The following COP1 variants were observed in gnomAD, a reference collection of about 807,000 sequenced individuals.
COP1 encodes the protein E3 ubiquitin-protein ligase COP1.
COP1 carries 24 observed loss-of-function variants against 101.3 expected under a neutral mutation model. The ratio of observed to expected loss-of-function variants is 0.24; its 90% CI spans 0.17 to 0.33. The LOEUF (loss-of-function observed/expected upper bound fraction) is 0.33. Ranked by LOEUF, COP1 falls within the 10% of genes least tolerant of loss-of-function variation. COP1 has a pLI of 1.00. For synonymous variants in COP1, 347 were observed against 341.9 expected (o/e 1.01, Z -0.17); for missense variants, 663 against 906.2 (o/e 0.73, Z 3.45).
chr1:176,090,877 T>C (rs1681152678), intron 9 of COP1, among the ~76,000 whole-genome samples: 1 of 152,074 alleles, frequency 6.6e-6, no homozygotes, highest in Non-Finnish European at 1.5e-5. Flanking sequence ...AAAACAGACA[T>C]GAATACACAG....
At chr1:175,947,621 C>T (rs1399672235) in intron 18 of COP1, among the ~76,000 whole-genome samples, 3 of 152,094 alleles carry the variant, frequency 2.0e-5, no homozygotes, top group Non-Finnish European at 4.4e-5. Flanking sequence ...CTGCCCACCT[C>T]GGCCTCCCAA....
At chr1:176,058,473 C>A (rs1674227386) in intron 11 of COP1, among the ~76,000 whole-genome samples, 1 of 152,124 alleles carries the variant, frequency 6.6e-6, no homozygotes, top group Non-Finnish European at 1.5e-5. Context: ...ACCCTGTGCT[C>A]TCTGAAACAT....
chr1:176,140,307 A>T (rs1558188784), intron 6 of COP1, among the ~76,000 whole-genome samples: 1 of 152,208 alleles, frequency 6.6e-6, no homozygotes, highest in Non-Finnish European at 1.5e-5. Flanking sequence ...AAATCAAATA[A>T]TGAAGGCATG....
At chr1:176,112,978 A>G (rs889239623) in intron 9 of COP1, among the ~76,000 whole-genome samples, 1 of 152,200 alleles carries the variant, frequency 6.6e-6, no homozygotes, top group Non-Finnish European at 1.5e-5. Flanking sequence ...ATGGACACTT[A>G]GGTTGATTCC....
At chr1:176,034,519 G>A (rs1016234277) in intron 14 of COP1, among the ~76,000 whole-genome samples, 2 of 152,128 alleles carry the variant, frequency 1.3e-5, no homozygotes, top group African/African-American at 4.8e-5. Flanking sequence ...CCTACTAACA[G>A]AATTCAGCAG....
intron 14 of COP1, among the ~76,000 whole-genome samples, chr1:176,028,325 G>A (rs1668036449): frequency 6.6e-6 from 1 of 152,010 alleles, no homozygotes; most frequent in South Asian, 2.1e-4. Context: ...AGCACTTTGG[G>A]AGGCTGAGGC....
chr1:176,012,819 T>C (rs1040755104), intron 15 of COP1, among the ~76,000 whole-genome samples: 2 of 152,216 alleles, frequency 1.3e-5, no homozygotes, highest in Non-Finnish European at 2.9e-5. Context: ...GGCTATACTA[T>C]ATAGCTTAGG....
chr1:175,976,356 C>A (rs1654597401), intron 18 of COP1, among the ~76,000 whole-genome samples: 1 of 135,136 alleles, frequency 7.4e-6, no homozygotes, highest in African/African-American at 2.7e-5. Flanking sequence ...CTGCTCACTG[C>A]AACCTACACC....
At chr1:175,997,782 C>A (rs1391147472) in intron 15 of COP1, among the ~76,000 whole-genome samples, 52 of 152,200 alleles carry the variant, frequency 3.4e-4, no homozygotes, top group Non-Finnish European at 2.4e-4. Context: ...GAAATAGGAA[C>A]ACTTTTACAC....
intron 9 of COP1, among the ~76,000 whole-genome samples, chr1:176,098,646 C>T (rs529239431): frequency 6.6e-6 from 1 of 152,282 alleles, no homozygotes; most frequent in East Asian, 1.9e-4. Context: ...TCTTAAGGAA[C>T]TAATCTGCTC....
chr1:176,190,674 T>C (rs1699026178), intron 1 of COP1, among the ~76,000 whole-genome samples: 1 of 152,000 alleles, frequency 6.6e-6, no homozygotes. Context: ...CAGTGCTCTA[T>C]TTGTCATTCC....
intron 6 of COP1, among the ~76,000 whole-genome samples, chr1:176,146,757 T>C (rs1194475740): frequency 6.6e-6 from 1 of 152,244 alleles, no homozygotes; most frequent in Non-Finnish European, 1.5e-5. Context: ...AAATTTTTCA[T>C]GTTTTAGGAC....
chr1:176,191,048 C>T (rs1699067024), intron 1 of COP1, among the ~76,000 whole-genome samples: 1 of 151,958 alleles, frequency 6.6e-6, no homozygotes, highest in Non-Finnish European at 1.5e-5. Flanking sequence ...ATACCAAATG[C>T]CAAACACTAG....
At chr1:175,956,783 A>G (rs994012380) in intron 18 of COP1, among the ~76,000 whole-genome samples, 2 of 152,156 alleles carry the variant, frequency 1.3e-5, no homozygotes, top group African/African-American at 4.8e-5. Context: ...TTATTAACAA[A>G]AAAAGTTACT....
At chr1:176,047,310 C>G (rs1317533779) in intron 11 of COP1, among the ~76,000 whole-genome samples, 1 of 152,122 alleles carries the variant, frequency 6.6e-6, no homozygotes, top group African/African-American at 2.4e-5. Context: ...CTCATTTAGT[C>G]CTCATAACAA....
chr1:175,957,799 GAATA>G (rs1160912917), intron 18 of COP1, among the ~76,000 whole-genome samples: 1 of 152,124 alleles, frequency 6.6e-6, no homozygotes, highest in Non-Finnish European at 1.5e-5. Context: ...AAAGATTGGT[GAATA>G]GATACAAAAT....
chr1:176,180,198 G>A (rs1697554465), intron 2 of COP1, among the ~76,000 whole-genome samples: 1 of 152,072 alleles, frequency 6.6e-6, no homozygotes, highest in South Asian at 2.1e-4. Context: ...TTAATGTTTA[G>A]CACAATATCC....
chr1:176,191,362 T>G (rs1450251989), intron 1 of COP1, among the ~76,000 whole-genome samples: 2 of 151,994 alleles, frequency 1.3e-5, no homozygotes, highest in African/African-American at 4.8e-5. Context: ...GAAAAATTAT[T>G]TTAAATATAC....
At position 176,081,223 on chromosome 1, in the gene COP1, A is replaced by G. The variant is rs778924520; in HGVS notation, c.1206T>C (p.Tyr402=). 1.6e-5 allele frequency: 25 copies of G among 1,611,196 alleles called. No homozygotes were observed. Among genetic ancestry groups the G allele is most frequent in the Admixed American group, 1.3e-4 (8 of 59,886 alleles). Residue 402 remains tyrosine, a synonymous_variant, in exon 11 of 20, where the codon TAT becomes TAC. Transcript: ENST00000367669. ...FQECLSKFTR[Y]NSVRPLATLS... is the part of the protein sequence containing the mutation. ...ATGTGGCTAAAGGTCGTACTGAATT[A>G]TATCGAGTAAACTTGGACAAGCATT...
Sources: gnomAD v4.1 joint callset for allele counts (sites outside exome capture counted in the v4.1 genomes callset) on GRCh38, gnomAD v4.1.1 for gene constraint, MANE v1.5 for transcripts, NCBI Gene and HGNC (gene_info 2026-07-23, HGNC 2026-07-21) for gene names.